Variants in CAMK2D observed in about 807,000 individuals in gnomAD.
CAMK2D encodes calcium/calmodulin-dependent protein kinase type II subunit delta.
Under a neutral mutation model 84.0 loss-of-function variants are expected in CAMK2D, and 37 were observed. The observed-to-expected ratio is 0.44, with a 90% CI of 0.34 to 0.58. The LOEUF (loss-of-function observed/expected upper bound fraction) is 0.58, where lower values mean the gene tolerates loss of function less well. CAMK2D is among the 20% of genes least tolerant of loss of function. The probability of loss-of-function intolerance (pLI) is 0.02; values close to 1 mark genes in which losing one functional copy is unlikely to be tolerated. For synonymous variants in CAMK2D, 202 were observed against 212.5 expected (o/e 0.95, Z 0.43); for missense variants, 448 against 652.5 (o/e 0.69, Z 3.41).
At chr4:113,584,577 G>T (rs1450050742) in intron 4 of CAMK2D, among the ~76,000 whole-genome samples, 1 of 152,166 alleles carries the variant, frequency 6.6e-6, no homozygotes, top group African/African-American at 2.4e-5. Flanking sequence ...CAGGTGGTGG[G>T]AACAGATGTG....
chr4:113,527,261 GT>G (rs34049340), intron 8 of CAMK2D, among the ~76,000 whole-genome samples: 28,624 of 147,814 alleles, frequency 0.19, 3,035 homozygotes, highest in Non-Finnish European at 0.26. Flanking sequence ...TAGCAATACA[GT>G]TTTTTTTTTT....
intron 2 of CAMK2D, among the ~76,000 whole-genome samples, chr4:113,674,514 A>C (rs2099310099): frequency 6.6e-6 from 1 of 152,162 alleles, no homozygotes; most frequent in African/African-American, 2.4e-5. Flanking sequence ...TTTACAAGGA[A>C]GCATATTCAA....
intron 4 of CAMK2D, among the ~76,000 whole-genome samples, chr4:113,573,146 C>T (rs186590222): frequency 9.9e-5 from 15 of 152,238 alleles, no homozygotes; most frequent in African/African-American, 2.4e-4. Flanking sequence ...CCCAGTGACA[C>T]GTGTTTATCT....
At chr4:113,531,398 T>C in intron 7 of CAMK2D, 99 bp from the exon 8 acceptor site, 1 of 702,484 alleles carries the variant, frequency 1.4e-6, no homozygotes, top group Non-Finnish European at 2.6e-6. Flanking sequence ...TTTATCTGAT[T>C]ATATGTTTTT....
intron 4 of CAMK2D, among the ~76,000 whole-genome samples, chr4:113,568,106 C>T (rs185676087): frequency 4.6e-5 from 7 of 152,208 alleles, no homozygotes; most frequent in Non-Finnish European, 5.9e-5. Context: ...AATACACACA[C>T]GATGAAATTT....
At chr4:113,485,167 C>G (rs1452340993) in intron 16 of CAMK2D, among the ~76,000 whole-genome samples, 2 of 152,112 alleles carry the variant, frequency 1.3e-5, no homozygotes, top group East Asian at 3.9e-4. Context: ...AGTTTTTAAT[C>G]AGGATAATGT....
chr4:113,706,219 T>C (rs2099454500), intron 2 of CAMK2D, among the ~76,000 whole-genome samples: 2 of 152,292 alleles, frequency 1.3e-5, no homozygotes, highest in East Asian at 1.9e-4. Context: ...TCCTCTCAAG[T>C]ACTGTACAGC....
chr4:113,703,593 G>A (rs1195704981), intron 2 of CAMK2D, among the ~76,000 whole-genome samples: 3 of 152,208 alleles, frequency 2.0e-5, no homozygotes, highest in East Asian at 1.9e-4. Context: ...AAAGTCTGAC[G>A]TGAGCCACCA....
intron 4 of CAMK2D, among the ~76,000 whole-genome samples, chr4:113,571,930 A>G (rs1291866397): frequency 1.3e-5 from 2 of 152,240 alleles, no homozygotes; most frequent in Admixed American, 1.3e-4. Context: ...CAATAAATTC[A>G]ATTAACTCAA....
At chr4:113,471,475 C>T (rs779500153) in intron 16 of CAMK2D, among the ~76,000 whole-genome samples, 2 of 152,100 alleles carry the variant, frequency 1.3e-5, no homozygotes, top group Non-Finnish European at 2.9e-5. Flanking sequence ...CCAAAATGAA[C>T]CTCAGTATTT....
chr4:113,508,243 T>C (rs775328021), intron 13 of CAMK2D: 59 of 1,550,530 alleles, frequency 3.8e-5, no homozygotes, highest in African/African-American at 5.5e-5. Context: ...CACCATCATC[T>C]GAACACTCGA....
intron 3 of CAMK2D, among the ~76,000 whole-genome samples, chr4:113,614,973 T>C (rs2099015517): frequency 6.6e-6 from 1 of 152,184 alleles, no homozygotes; most frequent in African/African-American, 2.4e-5. Flanking sequence ...ACAGAACAGA[T>C]TGTATTATAT....
chr4:113,695,089 A>G (rs939239712), intron 2 of CAMK2D, among the ~76,000 whole-genome samples: 1 of 152,196 alleles, frequency 6.6e-6, no homozygotes, highest in African/African-American at 2.4e-5. Context: ...TACAATAAGC[A>G]CTTACTCTGA....
In CAMK2D at chr4:113,452,550, A is replaced by T. The variant is rs1473278196; in HGVS notation, c.*1995T>A. On this transcript the variant is annotated 3_prime_UTR_variant, in exon 21 of 21. Transcript: ENST00000511664. Reference sequence around the variant, plus strand: ...ATAGAAGATAATAAATGTGTAATTCATTTGTGGTGGAGAGAACAAATCACA... The same window carrying T: ...ATAGAAGATAATAAATGTGTAATTCTTTTGTGGTGGAGAGAACAAATCACA... The T allele has an allele frequency of 6.6e-6, 1 of 152,628 alleles. No individual in the cohort carries two copies. Among genetic ancestry groups the T allele is most frequent in the African/African-American group, 2.4e-5 (1 of 41,448 alleles). 9.5% of individuals were successfully genotyped at this position (152,628 alleles called of 1,614,324 possible). A position where few individuals can be genotyped will look rare whatever the true frequency, so the allele number is the denominator to read the frequency against.
chr4:113,662,939 T>C (rs995171162), intron 2 of CAMK2D, among the ~76,000 whole-genome samples: 3 of 152,162 alleles, frequency 2.0e-5, no homozygotes, highest in Non-Finnish European at 2.9e-5. Context: ...TTTTTGGCCA[T>C]TTAGAAAAAT....
chr4:113,721,198 G>A (rs1330218424), intron 2 of CAMK2D, among the ~76,000 whole-genome samples: 1 of 152,020 alleles, frequency 6.6e-6, no homozygotes, highest in Non-Finnish European at 1.5e-5. Flanking sequence ...AAATAACAGA[G>A]GTGAATTTTC....
intron 2 of CAMK2D, among the ~76,000 whole-genome samples, chr4:113,736,359 TAAC>T (rs1358038443): frequency 2.6e-5 from 4 of 152,154 alleles, no homozygotes; most frequent in African/African-American, 4.8e-5. Context: ...TTCAACTAGT[TAAC>T]CCCAGAAATC....
intron 3 of CAMK2D, among the ~76,000 whole-genome samples, chr4:113,643,711 T>A (rs2099141061): frequency 6.6e-6 from 1 of 152,248 alleles, no homozygotes; most frequent in Non-Finnish European, 1.5e-5. Context: ...ACCATCTTGA[T>A]AATCTGCTGG....
In CAMK2D at chr4:113,596,569, G is replaced by A. The variant is rs559945402; in HGVS notation, c.275+12583C>T. ...AGGTTGCAGAATGGATGTTGGGTTC[G>A]TAGGCATGAAAACAACAATCATCTC... is the stretch of plus-strand genomic sequence containing the variant. On this transcript the variant is annotated intron_variant, in intron 4 of 20. Coordinates refer to ENST00000511664, the MANE Select transcript of CAMK2D (RefSeq NM_001321571.2). 2.6e-5 allele frequency among the ~76,000 whole-genome samples: 4 copies of A among 152,244 alleles called. No homozygotes were observed. In the South Asian group the frequency reaches 6.2e-4, roughly 24 times the overall value.
Sources: gnomAD v4.1 joint callset for allele counts (sites outside exome capture counted in the v4.1 genomes callset) on GRCh38, gnomAD v4.1.1 for gene constraint, MANE v1.5 for transcripts, NCBI Gene and HGNC (gene_info 2026-07-23, HGNC 2026-07-21) for gene names.